The following ZNF324B variants were observed in gnomAD, a reference collection of about 807,000 sequenced individuals.
ZNF324B encodes the protein zinc finger protein 324B.
Under a neutral mutation model 10.6 loss-of-function variants are expected in ZNF324B, and 7 were observed. The observed-to-expected ratio is 0.66, with a 90% CI of 0.38 to 1.24. The LOEUF is 1.24. Among genes scored for constraint, ZNF324B ranks in the 50% most tolerant of loss-of-function variants. ZNF324B has a pLI of 0.02. For synonymous variants in ZNF324B, 316 were observed against 321.0 expected (o/e 0.98, Z 0.17); for missense variants, 640 against 764.7 (o/e 0.84, Z 1.92).
At chr19:58,439,933 T>G in the ZNF324B span, 2 of 1,115,852 alleles carry the variant, frequency 1.8e-6, no homozygotes, top group Non-Finnish European at 2.6e-6. Context: ...GCAAGGCCTC[T>G]GGGCACCGCA....
At chr19:58,454,502 G>A (rs2052893973) in intron 3 of ZNF324B, 158 bp downstream of exon 3, 1 of 616,924 alleles carries the variant, frequency 1.6e-6, no homozygotes, top group Non-Finnish European at 2.9e-6. Context: ...TGCCTTAGTA[G>A]GTGCCCTTGA....
chr19:58,439,543 TC>T, the ZNF324B span, among the ~76,000 whole-genome samples: 17 of 152,198 alleles, frequency 1.1e-4, no homozygotes, highest in African/African-American at 4.1e-4. Context: ...CAGATCTCAT[TC>T]CACAGGATTC....
chr19:58,455,288 C>A lies in ZNF324B; in HGVS notation c.344C>A (p.Ala115Asp), dbSNP rs754011667. The A allele has an allele frequency of 2.5e-6, 4 of 1,614,232 alleles. No homozygotes were observed. In the East Asian group the frequency reaches 8.9e-5, roughly 36 times the overall value. ...ACTAGCGTCTTCCCAGTTGCCGATG[C>A]CTGCCACAGTGTAAAAAGCCTGCAG... ...MTTSVFPVAD[A>D]CHSVKSLQRQ... Residue 115 changes from alanine (A) to aspartate (D), a missense_variant, in exon 4 of 4, where the codon GCC becomes GAC. Ala to Asp is a moderately radical substitution (Grantham distance 126, BLOSUM62 -2). This residue lies in a region of ZNF324B where 345 missense variants were observed against 387.9 expected (regional missense o/e 0.89). Coordinates refer to ENST00000336614, the MANE Select transcript of ZNF324B (RefSeq NM_207395.3). The surrounding 1 kb of genome is among the most constrained non-coding windows in gnomAD (Gnocchi z 7.0).
chr19:58,439,129 G>A, the ZNF324B span, among the ~76,000 whole-genome samples: 1 of 152,056 alleles, frequency 6.6e-6, no homozygotes, highest in Non-Finnish European at 1.5e-5. Context: ...GGTAATCCAT[G>A]GCCCAGTTTG....
the ZNF324B span, among the ~76,000 whole-genome samples, chr19:58,438,839 C>T: frequency 6.6e-6 from 1 of 151,580 alleles, no homozygotes; most frequent in Admixed American, 6.6e-5. Flanking sequence ...GGCACGATCT[C>T]AGCTCAATGC....
chr19:58,435,058 AG>A, the ZNF324B span: 3 of 1,614,130 alleles, frequency 1.9e-6, no homozygotes, highest in Non-Finnish European at 2.5e-6. Context: ...ATGCTCAGCC[AG>A]GTGCAAAATG....
In ZNF324B at chr19:58,455,934, GCACCAGCGCATCCAC is replaced by G. The variant is rs2052914919; in HGVS notation, c.991_1005del (p.His331_His335del). ...TCCGGCATAGCTCCTCGCTGGTGCG[GCACCAGCGCATCCAC>G]ACGGCCGAGAAGTCCTTCCGCTGCT... On this transcript the variant is annotated inframe_deletion, in exon 4 of 4. Coordinates refer to ENST00000336614, the MANE Select transcript of ZNF324B (RefSeq NM_207395.3). The surrounding 1 kb of genome is among the most constrained non-coding windows in gnomAD (Gnocchi z 7.0). The G allele has an allele frequency of 6.3e-7, 1 of 1,597,682 alleles. No individual in the cohort carries two copies. Among genetic ancestry groups the G allele is most frequent in the Non-Finnish European group, 8.5e-7 (1 of 1,169,962 alleles).
At position 58,456,408 on chromosome 19, in the gene ZNF324B, C is replaced by T. The variant is rs571906610; in HGVS notation, c.1464C>T (p.Arg488=). 22 of 1,613,316 alleles carry T rather than the reference C, an allele frequency of 1.4e-5. No individual in the cohort carries two copies. In the South Asian group the frequency reaches 2.1e-4, roughly 15 times the overall value. Residue 488 remains arginine, a synonymous_variant, in exon 4 of 4, where the codon CGC becomes CGT. Coordinates refer to ENST00000336614, the MANE Select transcript of ZNF324B (RefSeq NM_207395.3). This position sits in a 1 kb window ranked among gnomAD's most constrained non-coding sequence, Gnocchi z 4.7. Reference sequence around the variant, plus strand: ...CCTTCGTGTGCACGCAGTGTGGCCGCGCCTTCCGTGAGCGCCCTGCCCTCT... The same window carrying T: ...CCTTCGTGTGCACGCAGTGTGGCCGTGCCTTCCGTGAGCGCCCTGCCCTCT... ...EKPFVCTQCG[R]AFRERPALLH...
the ZNF324B span, chr19:58,433,741 T>A: frequency 6.2e-7 from 1 of 1,614,080 alleles, no homozygotes; most frequent in South Asian, 1.1e-5. Flanking sequence ...ATAAGGCCTT[T>A]CTTTTGTGTG....
At chr19:58,445,998 G>A in the ZNF324B span, 1 of 156,488 alleles carries the variant, frequency 6.4e-6, no homozygotes, top group Non-Finnish European at 1.4e-5. Flanking sequence ...AGCCGGGCAT[G>A]GTGGCAGGCA....
At chr19:58,453,902 C>T in intron 2 of ZNF324B, 80 bp downstream of exon 2, 1 of 1,555,886 alleles carries the variant, frequency 6.4e-7, no homozygotes, top group Non-Finnish European at 8.7e-7. Context: ...GGTTGATGAG[C>T]AGGATCAAAT....
chr19:58,427,357 T>TCTTTCTTTCTTTCTCTTTC, the ZNF324B span, among the ~76,000 whole-genome samples: 62 of 65,666 alleles, frequency 9.4e-4, no homozygotes, highest in South Asian at 3.6e-3. Context: ...TTCCTTTCTT[T>TCTTTCTTTCTTTCTCTTTC]CTTTCTTTCT....
intron 3 of ZNF324B, 185 bp downstream of exon 3, chr19:58,454,529 G>A (rs2052894299): frequency 8.4e-6 from 5 of 595,954 alleles, no homozygotes; most frequent in Non-Finnish European, 1.5e-5. Flanking sequence ...AGCTCCAAGG[G>A]CACAGGAGCT....
Position 58,453,000 on chromosome 19 carries a change from G to A in ZNF324B, c.-6-696G>A, listed in dbSNP as rs546491716. Among the ~76,000 whole-genome samples, 17 of 152,048 alleles carry A rather than the reference G, an allele frequency of 1.1e-4. No individual in the cohort carries two copies. In the South Asian group the frequency reaches 3.3e-3, roughly 30 times the overall value. On this transcript the variant is annotated intron_variant, in intron 1 of 3. Transcript: ENST00000336614. ...TGAGGCAGGAGAATGGCGTGAACCCGGGAGCCGGAGCTTGCAGTGAGCCGA... is the reference window on the plus strand; with the variant it reads ...TGAGGCAGGAGAATGGCGTGAACCCAGGAGCCGGAGCTTGCAGTGAGCCGA...
rs1236055657 is a variant in ZNF324B, at chr19:58,455,409, G to C, written c.465G>C (p.Gln155His). The stretch of plus-strand genomic sequence containing the variant: ...TCCTGCTAGGCTCGCGCAGTGACCA[G>C]GCCAGCATCAGCCTGCGACTGACCT... ...ERLLLGSRSDQASISLRLTSP... is the reference protein window; with the variant it reads ...ERLLLGSRSDHASISLRLTSP... Residue 155 changes from glutamine (Q) to histidine (H), a missense_variant, in exon 4 of 4, where the codon CAG becomes CAC. Transcript: ENST00000336614. This position sits in a 1 kb window ranked among gnomAD's most constrained non-coding sequence, Gnocchi z 7.0. 2 of 1,614,212 alleles carry C rather than the reference G, an allele frequency of 1.2e-6. No individual in the cohort carries two copies. Among genetic ancestry groups the C allele is most frequent in the Non-Finnish European group, 1.7e-6 (2 of 1,180,024 alleles).
upstream of ZNF324B, among the ~76,000 whole-genome samples, chr19:58,447,258 G>A (rs1008526598): frequency 6.6e-5 from 10 of 152,140 alleles, no homozygotes; most frequent in Admixed American, 3.3e-4. Flanking sequence ...GATTACTGGC[G>A]TGAGCCACCA....
chr19:58,434,994 G>C, the ZNF324B span: 1 of 1,614,178 alleles, frequency 6.2e-7, no homozygotes, highest in Non-Finnish European at 8.5e-7. Flanking sequence ...TCAACCAAAA[G>C]TCTCTCCCAC....
chr19:58,456,864 G>A lies in ZNF324B; in HGVS notation c.*285G>A. 1.9e-6 allele frequency: 1 copy of A among 535,636 alleles called. No individual in the cohort carries two copies. The highest frequency in any genetic ancestry group is 3.3e-6 in the Non-Finnish European group (1 of 298,856). The allele number at this position is 535,636 out of a possible 1,614,324, so 33.2% of individuals were successfully genotyped here. On this transcript the variant is annotated 3_prime_UTR_variant, in exon 4 of 4. Transcript: ENST00000336614. This position sits in a 1 kb window ranked among gnomAD's most constrained non-coding sequence, Gnocchi z 4.7. ...GGCTGAGGCTGTAGTTGGGGCCATA[G>A]GACGCCGACAAAGGCAGCGCTGCAT...
In ZNF324B at chr19:58,456,688, G is replaced by C; in HGVS notation, c.*109G>C. 1.5e-6 allele frequency: 2 copies of C among 1,355,736 alleles called. No individual in the cohort carries two copies. The highest frequency in any genetic ancestry group is 2.0e-6 in the Non-Finnish European group (2 of 1,003,396). 84.0% of individuals were successfully genotyped at this position (1,355,736 alleles called of 1,614,324 possible). On this transcript the variant is annotated 3_prime_UTR_variant, in exon 4 of 4. Coordinates refer to ENST00000336614, the MANE Select transcript of ZNF324B (RefSeq NM_207395.3). This position sits in a 1 kb window ranked among gnomAD's most constrained non-coding sequence, Gnocchi z 4.7. ...CGATGGGGAAAAGCTCTGTGCCTGA[G>C]AGTCAGGGACGAGGGAGACCCTTTG...
Sources: gnomAD v4.1 joint callset for allele counts (sites outside exome capture counted in the v4.1 genomes callset) on GRCh38, gnomAD v4.1.1 for gene constraint, gnomAD v4.1.1 regional missense constraint, Gnocchi (gnomAD v3.1) non-coding constraint, MANE v1.5 for transcripts, NCBI Gene and HGNC (gene_info 2026-07-23, HGNC 2026-07-21) for gene names.